The following AUTS2 variants were observed in gnomAD, a reference collection of about 807,000 sequenced individuals.
AUTS2 encodes the protein activator of transcription and developmental regulator AUTS2.
AUTS2 carries 17 observed loss-of-function variants against 112.4 expected under a neutral mutation model. The observed-to-expected ratio is 0.15, with a 90% confidence interval of 0.10 to 0.23. AUTS2 has a LOEUF of 0.23. AUTS2 is among the 10% of genes least tolerant of loss of function. The probability of loss-of-function intolerance (pLI) is 1.00; values close to 1 mark genes in which losing one functional copy is unlikely to be tolerated. For missense variants in AUTS2, 1,510 were observed against 1,701.6 expected (o/e 0.89, Z 1.98); for synonymous variants, 751 against 702.7 (o/e 1.07, Z -1.09).
At chr7:70,268,836 T>C (rs574595102) in intron 4 of AUTS2, among the ~76,000 whole-genome samples, 5 of 152,216 alleles carry the variant, frequency 3.3e-5, no homozygotes. Flanking sequence ...GAGTGAAATT[T>C]ACCTTTCATT....
At chr7:69,832,481 C>T (rs1413668879) in intron 1 of AUTS2, among the ~76,000 whole-genome samples, 1 of 152,160 alleles carries the variant, frequency 6.6e-6, no homozygotes, top group Non-Finnish European at 1.5e-5. Flanking sequence ...TAATGCTGAG[C>T]ACTAGTCAAC....
At chr7:70,320,305 A>G (rs566069718) in intron 4 of AUTS2, among the ~76,000 whole-genome samples, 1 of 152,298 alleles carries the variant, frequency 6.6e-6, no homozygotes, top group South Asian at 2.1e-4. Flanking sequence ...CTTTGTGTTG[A>G]GAAGGGATAC....
intron 5 of AUTS2, among the ~76,000 whole-genome samples, chr7:70,479,587 C>T (rs977752945): frequency 4.6e-5 from 7 of 152,010 alleles, no homozygotes; most frequent in Non-Finnish European, 8.8e-5. Flanking sequence ...ATGGATTTTC[C>T]GTTCACCAGC....
intron 4 of AUTS2, among the ~76,000 whole-genome samples, chr7:70,271,046 G>T (rs993791962): frequency 6.6e-6 from 1 of 151,942 alleles, no homozygotes; most frequent in Non-Finnish European, 1.5e-5. Flanking sequence ...ACACTAGATG[G>T]TTCCACCCCG....
intron 2 of AUTS2, among the ~76,000 whole-genome samples, chr7:70,039,285 A>G (rs566069414): frequency 8.5e-5 from 13 of 152,262 alleles, no homozygotes; most frequent in Admixed American, 7.8e-4. Flanking sequence ...ATACTGAAAC[A>G]AATTTTTACA....
intron 5 of AUTS2, among the ~76,000 whole-genome samples, chr7:70,495,389 C>T (rs1798414920): frequency 6.6e-6 from 1 of 152,046 alleles, no homozygotes; most frequent in Non-Finnish European, 1.5e-5. Context: ...TCAACCACTG[C>T]AAGTATTCCC....
intron 1 of AUTS2, among the ~76,000 whole-genome samples, chr7:69,629,726 G>A (rs1032164461): frequency 1.3e-5 from 2 of 152,128 alleles, no homozygotes; most frequent in East Asian, 3.8e-4. Context: ...GCCACATGAG[G>A]GCAGGGGACT....
intron 1 of AUTS2, among the ~76,000 whole-genome samples, chr7:69,781,005 G>C (rs1789122779): frequency 6.6e-6 from 1 of 152,168 alleles, no homozygotes; most frequent in African/African-American, 2.4e-5. Flanking sequence ...TTAACCTACT[G>C]CTCCTATTCC....
chr7:69,704,591 A>C (rs749337881), intron 1 of AUTS2, among the ~76,000 whole-genome samples: 3 of 152,046 alleles, frequency 2.0e-5, no homozygotes, highest in Non-Finnish European at 4.4e-5. Flanking sequence ...TTATAGCCTA[A>C]TTTTCAGGCT....
chr7:70,790,077 C>A lies in AUTS2; in HGVS notation c.2861C>A (p.Pro954His). Residue 954 changes from proline (P) to histidine (H), a missense_variant, in exon 19 of 19, where the codon CCC becomes CAC. Pro to His is a moderately conservative substitution (Grantham distance 77). Transcript: ENST00000342771. This position sits in a 1 kb window ranked among gnomAD's most constrained non-coding sequence, Gnocchi z 7.6. The part of the protein sequence containing the change: ...VRTPVVESAR[P>H]NSTSSREAEP... ...ACCCCGGTGGTGGAGAGTGCCAGGCCCAACAGCACCTCGAGCCGGGAGGCC... is the reference window on the plus strand; with the variant it reads ...ACCCCGGTGGTGGAGAGTGCCAGGCACAACAGCACCTCGAGCCGGGAGGCC... 6.3e-7 allele frequency: 1 copy of A among 1,577,634 alleles called. No homozygotes were observed. Among genetic ancestry groups the A allele is most frequent in the Non-Finnish European group, 8.6e-7 (1 of 1,163,894 alleles).
At chr7:70,774,182 T>C in intron 12 of AUTS2, 83 bp downstream of exon 12, 5 of 1,268,994 alleles carry the variant, frequency 3.9e-6, no homozygotes, top group Non-Finnish European at 4.6e-6. Flanking sequence ...GCTCGCATCT[T>C]CCTTAGCTCC....
At chr7:70,258,845 T>C (rs1184970377) in intron 4 of AUTS2, among the ~76,000 whole-genome samples, 2 of 152,194 alleles carry the variant, frequency 1.3e-5, no homozygotes, top group Non-Finnish European at 2.9e-5. Flanking sequence ...GAATACGTTT[T>C]GTATTGATTA....
chr7:70,548,004 G>A (rs910563490), intron 5 of AUTS2, among the ~76,000 whole-genome samples: 3 of 152,152 alleles, frequency 2.0e-5, no homozygotes. Context: ...TCTCATTATG[G>A]TTGTAGTTTG....
chr7:70,623,049 G>A lies in AUTS2; in HGVS notation c.691-75520G>A, dbSNP rs544238092. On this transcript the variant is annotated intron_variant, in intron 5 of 18. Coordinates refer to ENST00000342771, the MANE Select transcript of AUTS2 (RefSeq NM_015570.4). ...CATAGCAATTAGCAAGAGAGTGGCC[G>A]CTTGTGTGCTTGATGGTGTTTTATG... Among the ~76,000 whole-genome samples, 7 of 152,302 alleles carry A rather than the reference G, an allele frequency of 4.6e-5. No individual in the cohort carries two copies. In the South Asian group the frequency reaches 1.0e-3, roughly 23 times the overall value.
intron 13 of AUTS2, among the ~76,000 whole-genome samples, chr7:70,776,223 T>C (rs553095382): frequency 1.3e-5 from 2 of 152,360 alleles, no homozygotes; most frequent in African/African-American, 4.8e-5. Context: ...CGATGTAGAA[T>C]GAGGCTGTGT....
At chr7:70,398,461 T>C (rs1429612753) in intron 4 of AUTS2, among the ~76,000 whole-genome samples, 3 of 152,178 alleles carry the variant, frequency 2.0e-5, no homozygotes, top group Admixed American at 6.5e-5. Context: ...TCACATATTT[T>C]TTGTGTGATC....
In AUTS2 at chr7:69,899,388, A is replaced by G. The variant is rs201759776; in HGVS notation, c.412A>G (p.Lys138Glu). ...ALTNGLSFHS[K>E]KSRLSHPHHY... ...TACCAATGGCTTGTCCTTTCATTCA[A>G]AGAAGAGCAGACTCAGCCACCCACA... The change falls in exon 2 of 19, where the codon AAG (lysine) becomes GAG (glutamate). Residue 138 changes from lysine (K) to glutamate (E), a missense_variant. Coordinates refer to ENST00000342771, the MANE Select transcript of AUTS2 (RefSeq NM_015570.4). 9 of 1,614,046 alleles carry G rather than the reference A, an allele frequency of 5.6e-6. No individual in the cohort carries two copies. In the East Asian group the frequency reaches 1.3e-4, roughly 24 times the overall value.
intron 5 of AUTS2, among the ~76,000 whole-genome samples, chr7:70,653,017 G>T (rs191273917): frequency 1.9e-3 from 294 of 152,204 alleles, no homozygotes; most frequent in African/African-American, 6.8e-3. Flanking sequence ...CACTTTGGGA[G>T]GTCAAGAGAG....
At chr7:69,878,250 T>G (rs1459387730) in intron 1 of AUTS2, among the ~76,000 whole-genome samples, 1 of 152,046 alleles carries the variant, frequency 6.6e-6, no homozygotes, top group African/African-American at 2.4e-5. Context: ...AAACAATGGT[T>G]TGTAGTAGGA....
Sources: gnomAD v4.1 joint callset for allele counts (sites outside exome capture counted in the v4.1 genomes callset) on GRCh38, gnomAD v4.1.1 for gene constraint, Gnocchi (gnomAD v3.1) non-coding constraint, MANE v1.5 for transcripts, NCBI Gene and HGNC (gene_info 2026-07-23, HGNC 2026-07-21) for gene names.